The following SP140 variants were observed in gnomAD, a reference collection of about 807,000 sequenced individuals.
The protein encoded by SP140 is SP140 nuclear body protein.
In SP140, 81 loss-of-function variants were observed where a neutral mutation model predicts 125.0. That is an observed-to-expected ratio of 0.65 (90% CI 0.54 to 0.78). The LOEUF (loss-of-function observed/expected upper bound fraction) is 0.78, where lower values mean the gene tolerates loss of function less well. SP140 is among the 30% of genes least tolerant of loss of function. The pLI, the probability that SP140 is intolerant of heterozygous loss-of-function variation, is 0.00. For synonymous variants in SP140, 312 were observed against 354.0 expected, an observed-to-expected ratio of 0.88 and a Z score of 1.33; for missense variants, 858 against 1,037.0, an observed-to-expected ratio of 0.83 and a Z score of 2.37.
upstream of SP140, among the ~76,000 whole-genome samples, chr2:230,201,861 GAAACTATCAC>G (rs2043214611): frequency 6.6e-6 from 1 of 152,156 alleles, no homozygotes; most frequent in South Asian, 2.1e-4. Context: ...TAATATTTAA[GAAACTATCAC>G]TTGTTGAGTG....
Position 230,311,150 on chromosome 2 carries a change from G to A in SP140, c.2284-4G>A, listed in dbSNP as rs1243630085. The A allele has an allele frequency of 6.2e-7, 1 of 1,603,378 alleles. No individual in the cohort carries two copies. The highest frequency in any genetic ancestry group is 8.5e-7 in the Non-Finnish European group (1 of 1,177,596). On this transcript the variant is annotated splice_polypyrimidine_tract_variant and splice_region_variant and intron_variant, in intron 24 of 26. Transcript: ENST00000392045. ...TTTTCATTTACGGCCTCTTTCTTTT[G>A]CAGAAATGTGAGTTCCTCCTCTTGA...
chr2:230,285,207 ATTTTC>A (rs2056206115), intron 16 of SP140, among the ~76,000 whole-genome samples: 7 of 152,186 alleles, frequency 4.6e-5, no homozygotes, highest in Admixed American at 2.0e-4. Context: ...GGCCCCTGAA[ATTTTC>A]AAAATTTATT....
upstream of SP140, chr2:230,202,440 C>G (rs2043275428): frequency 1.3e-6 from 1 of 766,352 alleles, no homozygotes; most frequent in African/African-American, 1.8e-5. Context: ...CTTTGTTCCT[C>G]TTGTTATACC....
At position 230,244,930 on chromosome 2, in the gene SP140, A is replaced by T. The variant is rs2049211910; in HGVS notation, c.572-58A>T. 5.7e-6 allele frequency: 7 copies of T among 1,234,424 alleles called. No homozygotes were observed. In the Admixed American group the frequency reaches 1.3e-4, roughly 23 times the overall value. 76.5% of individuals were successfully genotyped at this position (1,234,424 alleles called of 1,614,324 possible). A position where few individuals can be genotyped will look rare whatever the true frequency, so the allele number is the denominator to read the frequency against. ...GCTCACTTGAGTGCTGAACACCAGG[A>T]TTCAGCAGGAGCATCCTGAGGTCTG... On this transcript the variant is annotated intron_variant, in intron 5 of 26. Coordinates refer to ENST00000392045, the MANE Select transcript of SP140 (RefSeq NM_007237.5).
chr2:230,245,861 A>T lies in SP140; in HGVS notation c.665-2A>T. ...CTGTCATGTTCCTCTTTCACTCTGC[A>T]GTGTCCTGTAAACTTGCTATACAAA... On this transcript the variant is annotated splice_acceptor_variant, in intron 6 of 26. Coordinates refer to ENST00000392045, the MANE Select transcript of SP140 (RefSeq NM_007237.5). LOFTEE classifies it high-confidence loss of function. The T allele has an allele frequency of 6.3e-7, 1 of 1,594,190 alleles. No individual in the cohort carries two copies.
At chr2:230,221,701 T>G (rs1308726571), upstream of SP140, 1 of 1,535,974 alleles carries the variant, frequency 6.5e-7, no homozygotes, top group East Asian at 2.4e-5. Context: ...CACATGTCAC[T>G]TACCTGAAGC....
rs2045350852 is a variant in SP140 at position 230,217,518 on chromosome 2, T to C, written c.-91+3444T>C. Among the ~76,000 whole-genome samples, 2 of 152,198 alleles carry C rather than the reference T, an allele frequency of 1.3e-5. 1 individual carries two copies. Among genetic ancestry groups the C allele is most frequent in the South Asian group, 4.1e-4 (2 of 4,828 alleles). The stretch of plus-strand genomic sequence containing the variant: ...AGGTATTAAAAGTAGCTAATATTTA[T>C]GGAGTGTTTCCTGTGTGCCAGACTT... On this transcript the variant is annotated intron_variant, in intron 3 of 4. Coordinates refer to the SP140 transcript ENST00000456542.
Position 230,241,946 on chromosome 2 carries a change from T to C in SP140, c.490+459T>C, listed in dbSNP as rs182023592. 1.9e-3 allele frequency among the ~76,000 whole-genome samples: 287 copies of C among 152,226 alleles called. 1 individual carries two copies. Among genetic ancestry groups the C allele is most frequent in the African/African-American group, 6.6e-3 (274 of 41,544 alleles). The stretch of plus-strand genomic sequence containing the variant: ...GACCAGTTAGGGGTCTCTAGTACTG[T>C]GGTCACAGTCCAAGAGGGGAGTTTG... On this transcript the variant is annotated intron_variant, in intron 4 of 26. Transcript: ENST00000392045.
chr2:230,247,860 A>T, intron 7 of SP140, 56 bp from the exon 8 acceptor site: 2 of 1,559,546 alleles, frequency 1.3e-6, no homozygotes, highest in Non-Finnish European at 1.8e-6. Flanking sequence ...TCACTAATCT[A>T]GTGAAATTAT....
At chr2:230,269,025 G>A (rs1463268845) in intron 12 of SP140, among the ~76,000 whole-genome samples, 3 of 152,168 alleles carry the variant, frequency 2.0e-5, no homozygotes, top group Admixed American at 2.0e-4. Context: ...GAGAGTTTTA[G>A]GAAGCATATT....
intron 3 of SP140, among the ~76,000 whole-genome samples, chr2:230,240,605 A>G (rs1245618949): frequency 1.3e-5 from 2 of 152,228 alleles, no homozygotes; most frequent in African/African-American, 4.8e-5. Context: ...TTAAAGTTAT[A>G]GTGAGATATC....
At chr2:230,240,995 A>G (rs987708205) in intron 3 of SP140, among the ~76,000 whole-genome samples, 2 of 152,228 alleles carry the variant, frequency 1.3e-5, no homozygotes, top group Non-Finnish European at 2.9e-5. Flanking sequence ...TATCACATAG[A>G]GCAACATGGA....
upstream of SP140, chr2:230,221,731 AG>A: frequency 1.3e-6 from 2 of 1,536,084 alleles, no homozygotes; most frequent in South Asian, 1.2e-5. Flanking sequence ...TCACCTGGAA[AG>A]CCCCTTCATG....
chr2:230,236,266 T>G (rs1301857024), intron 1 of SP140, among the ~76,000 whole-genome samples: 1 of 152,218 alleles, frequency 6.6e-6, no homozygotes, highest in African/African-American at 2.4e-5. Flanking sequence ...CAGTTACAGA[T>G]GGAGGAGATA....
At chr2:230,265,295 G>A (rs956936863) in intron 12 of SP140, among the ~76,000 whole-genome samples, 1 of 152,010 alleles carries the variant, frequency 6.6e-6, no homozygotes, top group African/African-American at 2.4e-5. Context: ...CAAACCAAAG[G>A]GCCAGACTCA....
intron 9 of SP140, among the ~76,000 whole-genome samples, chr2:230,249,234 C>CA (rs2049986062): frequency 6.6e-6 from 1 of 151,958 alleles, no homozygotes; most frequent in Admixed American, 6.6e-5. Context: ...GCTGGGGCGC[C>CA]AGAGAAGTGC....
chr2:230,241,905 T>G (rs1291675963), intron 4 of SP140, among the ~76,000 whole-genome samples: 2 of 152,206 alleles, frequency 1.3e-5, no homozygotes, highest in Non-Finnish European at 2.9e-5. Context: ...AGGTGAGAGA[T>G]ATTCCTTACG....
At chr2:230,247,180 C>T (rs72986394) in intron 7 of SP140, among the ~76,000 whole-genome samples, 6,549 of 152,232 alleles carry the variant, frequency 0.043, 247 homozygotes, top group South Asian at 0.19. Context: ...CTTCTAAGTT[C>T]ATTCATCTGA....
upstream of SP140, chr2:230,221,669 T>G (rs771813999): frequency 9.1e-6 from 14 of 1,532,902 alleles, no homozygotes; most frequent in South Asian, 1.7e-4. Flanking sequence ...GTAAAGGAAT[T>G]AAGGTTATTT....
Sources: gnomAD v4.1 joint callset for allele counts (sites outside exome capture counted in the v4.1 genomes callset) on GRCh38, gnomAD v4.1.1 for gene constraint, MANE v1.5 for transcripts, NCBI Gene and HGNC (gene_info 2026-07-23, HGNC 2026-07-21) for gene names.